Variants in PTPRD observed in about 807,000 individuals in gnomAD.
PTPRD encodes the protein protein tyrosine phosphatase receptor type D.
In PTPRD, 34 loss-of-function variants were observed where a neutral mutation model predicts 214.5. That is an observed-to-expected ratio of 0.16 (90% confidence interval 0.12 to 0.21). The LOEUF (loss-of-function observed/expected upper bound fraction) is 0.21, where lower values mean the gene tolerates loss of function less well. PTPRD is among the 10% of genes least tolerant of loss of function. PTPRD has a pLI of 1.00. For missense variants in PTPRD, 2,545 were observed against 2,398.7 expected (o/e 1.06, Z -1.27); for synonymous variants, 1,128 against 845.7 (o/e 1.33, Z -5.79).
At chr9:10,565,411 TA>T (rs991957503) in intron 2 of PTPRD, among the ~76,000 whole-genome samples, 29 of 152,182 alleles carry the variant, frequency 1.9e-4, no homozygotes, top group African/African-American at 6.5e-4. Flanking sequence ...TAGCAAAAAT[TA>T]TGGACCAAGC....
intron 2 of PTPRD, among the ~76,000 whole-genome samples, chr9:10,559,471 T>A (rs1027364335): frequency 6.6e-6 from 1 of 152,156 alleles, no homozygotes; most frequent in Non-Finnish European, 1.5e-5. Flanking sequence ...TTAGAAATAA[T>A]CTCTCATAGT....
chr9:8,316,703 G>C lies in PTPRD; in HGVS notation c.*1171C>G, dbSNP rs553410955. The C allele has an allele frequency of 3.0e-5, 7 of 231,020 alleles. No homozygotes were observed. The highest frequency in any genetic ancestry group is 4.3e-5 in the Non-Finnish European group (5 of 116,520). 14.3% of individuals were successfully genotyped at this position (231,020 alleles called of 1,614,324 possible). ...TAACAAACAAACAAAACAATTTGTG[G>C]ATGTGATTGATTGGTTAGGTGGGGG... On this transcript the variant is annotated 3_prime_UTR_variant, in exon 46 of 46. Transcript: ENST00000381196.
chr9:9,155,768 T>C (rs1242693018), intron 10 of PTPRD, among the ~76,000 whole-genome samples: 1 of 152,148 alleles, frequency 6.6e-6, no homozygotes, highest in East Asian at 1.9e-4. Flanking sequence ...AACACTGCAG[T>C]CCTGGTGATA....
intron 8 of PTPRD, among the ~76,000 whole-genome samples, chr9:9,419,126 T>TACAC (rs1367814167): frequency 8.7e-5 from 6 of 69,232 alleles, no homozygotes; most frequent in South Asian, 7.1e-4. Flanking sequence ...ATAGGCCCCT[T>TACAC]ATACACACAC....
intron 2 of PTPRD, among the ~76,000 whole-genome samples, chr9:10,462,172 G>A (rs1270152731): frequency 6.6e-6 from 1 of 151,822 alleles, no homozygotes; most frequent in Non-Finnish European, 1.5e-5. Flanking sequence ...TCACAAGGGG[G>A]CAAAAATAAG....
intron 14 of PTPRD, among the ~76,000 whole-genome samples, chr9:8,530,010 C>T (rs1439619229): frequency 6.6e-6 from 1 of 152,066 alleles, no homozygotes; most frequent in African/African-American, 2.4e-5. Context: ...TACTCGAAAG[C>T]ATAAACAGCA....
intron 11 of PTPRD, among the ~76,000 whole-genome samples, chr9:8,806,254 G>A (rs1019572171): frequency 2.7e-5 from 3 of 112,586 alleles, no homozygotes; most frequent in African/African-American, 7.1e-5. Flanking sequence ...TGGTGGGGCG[G>A]GGGGGGGATT....
At chr9:9,324,721 T>A (rs1968882173) in intron 9 of PTPRD, among the ~76,000 whole-genome samples, 3 of 152,136 alleles carry the variant, frequency 2.0e-5, no homozygotes, top group African/African-American at 7.2e-5. Flanking sequence ...CTATTTTGGC[T>A]TTTGTTGCCA....
At chr9:10,573,209 A>T (rs553934298) in intron 2 of PTPRD, among the ~76,000 whole-genome samples, 1 of 152,310 alleles carries the variant, frequency 6.6e-6, no homozygotes, top group African/African-American at 2.4e-5. Context: ...CACCAAAAGA[A>T]TTAATCTTAT....
intron 14 of PTPRD, among the ~76,000 whole-genome samples, chr9:8,600,708 T>A (rs1474612024): frequency 6.6e-6 from 1 of 151,442 alleles, no homozygotes; most frequent in Non-Finnish European, 1.5e-5. Flanking sequence ...CCAGGCAGAA[T>A]CCAGACCCTA....
chr9:9,064,681 A>C (rs1227298715), intron 10 of PTPRD, among the ~76,000 whole-genome samples: 1 of 152,222 alleles, frequency 6.6e-6, no homozygotes, highest in African/African-American at 2.4e-5. Context: ...TGTTAGGCCA[A>C]TGATTTCAGT....
chr9:10,418,119 G>A (rs1368827231), intron 2 of PTPRD, among the ~76,000 whole-genome samples: 1 of 151,668 alleles, frequency 6.6e-6, no homozygotes, highest in African/African-American at 2.4e-5. Context: ...TATGGCGCTT[G>A]CTATTGTTTT....
At chr9:9,432,652 G>A (rs778608404) in intron 8 of PTPRD, among the ~76,000 whole-genome samples, 2 of 152,144 alleles carry the variant, frequency 1.3e-5, no homozygotes, top group African/African-American at 2.4e-5. Flanking sequence ...AAAATGCTTT[G>A]TTCAAACAGA....
chr9:9,433,832 A>G (rs936656150), intron 8 of PTPRD, among the ~76,000 whole-genome samples: 9 of 152,222 alleles, frequency 5.9e-5, no homozygotes, highest in African/African-American at 2.2e-4. Flanking sequence ...AATTTACTTT[A>G]AAATTTTAGT....
In PTPRD at chr9:9,312,272, G is replaced by T. The variant is rs181620101; in HGVS notation, c.-203+85177C>A. Among the ~76,000 whole-genome samples, 842 of 152,144 alleles carry T rather than the reference G, an allele frequency of 5.5e-3. 5 individuals carry two copies. The highest frequency in any genetic ancestry group is 8.9e-3 in the Non-Finnish European group (606 of 67,996). Reference sequence around the variant, plus strand: ...TAGAGGTAGAATATTGAAGCATCTGGGATTGCAACTTGAGTCTAATTCCAA... The same window carrying T: ...TAGAGGTAGAATATTGAAGCATCTGTGATTGCAACTTGAGTCTAATTCCAA... On this transcript the variant is annotated intron_variant, in intron 9 of 45. Coordinates refer to ENST00000381196, the MANE Select transcript of PTPRD (RefSeq NM_002839.4).
chr9:10,015,776 T>C (rs772295707), intron 4 of PTPRD, among the ~76,000 whole-genome samples: 7 of 152,186 alleles, frequency 4.6e-5, no homozygotes, highest in Admixed American at 1.3e-4. Flanking sequence ...TATCATAGTA[T>C]CTTAAGAAAT....
At position 8,331,574 on chromosome 9, in the gene PTPRD, A is replaced by AAACTTACCATTCTTGAACTGT. The variant is rs3215098; in HGVS notation, c.5534+7_5534+8insACAGTTCAAGAATGGTAAGTT. On this transcript the variant is annotated splice_region_variant and intron_variant, in intron 44 of 45. Coordinates refer to ENST00000381196, the MANE Select transcript of PTPRD (RefSeq NM_002839.4). ...TTATCACTGCTTTATTCACAAATGG[A>AAACTTACCATTCTTGAACTGT]AACTTACCTGCAATGGACTGAAATG... The AAACTTACCATTCTTGAACTGT allele has an allele frequency of 0.18, 291,588 of 1,605,656 alleles. 37,338 individuals carry two copies. The highest frequency in any genetic ancestry group is 0.67 in the African/African-American group (49,717 of 74,716).
chr9:9,410,531 A>C (rs1264549816), intron 8 of PTPRD, among the ~76,000 whole-genome samples: 1 of 152,170 alleles, frequency 6.6e-6, no homozygotes, highest in East Asian at 1.9e-4. Flanking sequence ...CCTTATTAAA[A>C]ATATAAGAAA....
At chr9:10,583,397 T>C (rs75781423) in intron 2 of PTPRD, among the ~76,000 whole-genome samples, 9,826 of 151,892 alleles carry the variant, frequency 0.065, 440 homozygotes, top group South Asian at 0.18. Flanking sequence ...TTGAGACTAA[T>C]GATTAAGCAA....
Sources: allele counts gnomAD v4.1 joint callset (sites outside exome capture counted in the v4.1 genomes callset), GRCh38; gene constraint gnomAD v4.1.1; transcripts MANE v1.5; gene names NCBI Gene and HGNC (gene_info 2026-07-23, HGNC 2026-07-21).